The following HS3ST4 variants were observed in gnomAD, a reference collection of about 807,000 sequenced individuals.
HS3ST4 encodes the protein heparan sulfate-glucosamine 3-sulfotransferase 4.
HS3ST4 carries 17 observed loss-of-function variants against 29.2 expected under a neutral mutation model. The ratio of observed to expected loss-of-function variants is 0.58; its 90% confidence interval spans 0.40 to 0.87. The LOEUF is 0.87. Ranked by LOEUF, HS3ST4 falls within the 40% of genes least tolerant of loss-of-function variation. HS3ST4 has a pLI of 0.00. For synonymous variants in HS3ST4, 314 were observed against 285.7 expected (o/e 1.10, Z -1.00); for missense variants, 627 against 634.5 (o/e 0.99, Z 0.13).
At chr16:25,931,533 C>T (rs990919725) in intron 1 of HS3ST4, among the ~76,000 whole-genome samples, 4 of 152,190 alleles carry the variant, frequency 2.6e-5, no homozygotes, top group Non-Finnish European at 5.9e-5. Context: ...TCTTTATTCC[C>T]GAAAGCAAAA....
rs1302074836 is a variant in HS3ST4, at chr16:25,855,245, A to T, written c.734+162094A>T. ...GTTCAGAAAAGGGGGATGGGTGTGG[A>T]AGTCAAAGTTCTTGTTATGTAGATG... is the stretch of plus-strand genomic sequence containing the variant. On this transcript the variant is annotated intron_variant, in intron 1 of 1. Transcript: ENST00000331351. Among the ~76,000 whole-genome samples the T allele has an allele frequency of 2.6e-5, 4 of 152,128 alleles. No individual in the cohort carries two copies. The East Asian group carries it at 7.7e-4, about 29-fold the overall frequency.
chr16:25,923,980 T>C (rs960866364), intron 1 of HS3ST4, among the ~76,000 whole-genome samples: 2 of 152,166 alleles, frequency 1.3e-5, no homozygotes, highest in African/African-American at 4.8e-5. Context: ...AGGTTTCATT[T>C]TTAGGTTTCT....
chr16:25,856,818 C>T lies in HS3ST4; in HGVS notation c.734+163667C>T, dbSNP rs1049361297. Among the ~76,000 whole-genome samples the T allele has an allele frequency of 5.3e-5, 8 of 152,112 alleles. No individual in the cohort carries two copies. The East Asian group carries it at 5.8e-4, about 11-fold the overall frequency. ...CTCTTCCATTTGGCTATTCCTGAGTCGTATTCTTTAAAATAAACTAGTAAT... is the reference window on the plus strand; with the variant it reads ...CTCTTCCATTTGGCTATTCCTGAGTTGTATTCTTTAAAATAAACTAGTAAT... On this transcript the variant is annotated intron_variant, in intron 1 of 1. Coordinates refer to ENST00000331351, the MANE Select transcript of HS3ST4 (RefSeq NM_006040.3).
At chr16:25,848,666 C>G (rs1967489666) in intron 1 of HS3ST4, among the ~76,000 whole-genome samples, 1 of 151,996 alleles carries the variant, frequency 6.6e-6, no homozygotes, top group Non-Finnish European at 1.5e-5. Context: ...CCAGGTCTTA[C>G]AGAAGTTTGT....
intron 1 of HS3ST4, among the ~76,000 whole-genome samples, chr16:26,003,674 T>C (rs778123595): frequency 5.3e-5 from 8 of 152,164 alleles, no homozygotes; most frequent in Non-Finnish European, 1.2e-4. Flanking sequence ...AACTGGCCAC[T>C]ATGGTCAGTG....
intron 1 of HS3ST4, among the ~76,000 whole-genome samples, chr16:25,697,820 G>A (rs1310954579): frequency 4.6e-5 from 7 of 152,016 alleles, no homozygotes; most frequent in Non-Finnish European, 7.4e-5. Context: ...CTACAGGTGC[G>A]CACCACCACG....
intron 1 of HS3ST4, among the ~76,000 whole-genome samples, chr16:25,828,832 C>T (rs555626070): frequency 4.6e-5 from 7 of 152,270 alleles, no homozygotes; most frequent in Admixed American, 3.9e-4. Context: ...TTTTACTAGT[C>T]AGTTTTGTGA....
intron 1 of HS3ST4, among the ~76,000 whole-genome samples, chr16:25,943,481 T>C (rs1336854704): frequency 6.6e-6 from 1 of 152,212 alleles, no homozygotes; most frequent in Admixed American, 6.5e-5. Flanking sequence ...GGATGACATT[T>C]TGGGGCTATT....
chr16:25,748,305 T>C (rs1020576308), intron 1 of HS3ST4, among the ~76,000 whole-genome samples: 1 of 152,142 alleles, frequency 6.6e-6, no homozygotes, highest in African/African-American at 2.4e-5. Flanking sequence ...ATTGACATGA[T>C]GCTTATTTTC....
intron 1 of HS3ST4, among the ~76,000 whole-genome samples, chr16:25,920,900 G>A (rs1968344963): frequency 6.6e-6 from 1 of 152,040 alleles, no homozygotes; most frequent in South Asian, 2.1e-4. Flanking sequence ...TTACAGGTGT[G>A]AGCCACCACG....
chr16:26,132,473 G>A (rs576537223), intron 1 of HS3ST4, among the ~76,000 whole-genome samples: 29 of 148,652 alleles, frequency 2.0e-4, no homozygotes, highest in Non-Finnish European at 3.5e-4. Context: ...TGTCTCCAAA[G>A]CCTTCTGCAA....
intron 1 of HS3ST4, among the ~76,000 whole-genome samples, chr16:26,030,130 A>G (rs1969518730): frequency 6.6e-6 from 1 of 152,176 alleles, no homozygotes; most frequent in South Asian, 2.1e-4. Flanking sequence ...TCATGTGATC[A>G]CTGGGTATGG....
At chr16:25,864,989 C>T (rs1292342513) in intron 1 of HS3ST4, among the ~76,000 whole-genome samples, 2 of 135,476 alleles carry the variant, frequency 1.5e-5, no homozygotes, top group African/African-American at 5.1e-5. Flanking sequence ...CACACATACA[C>T]ACTCACACAC....
At chr16:26,124,460 T>C (rs1388630660) in intron 1 of HS3ST4, among the ~76,000 whole-genome samples, 4 of 152,178 alleles carry the variant, frequency 2.6e-5, no homozygotes, top group African/African-American at 9.7e-5. Context: ...AATTTTTAAA[T>C]TGTAATTACT....
At position 26,086,765 on chromosome 16, in the gene HS3ST4, A is replaced by G. The variant is rs538646455; in HGVS notation, c.735-48847A>G. Among the ~76,000 whole-genome samples the G allele has an allele frequency of 3.3e-5, 5 of 152,302 alleles. No homozygotes were observed. The East Asian group carries it at 9.6e-4, about 29-fold the overall frequency. On this transcript the variant is annotated intron_variant, in intron 1 of 1. Transcript: ENST00000331351. ...GCCTTTTGACCCTTAATAAATATCA[A>G]TCTCTTCCTTCATTCACTTCTGTCC...
chr16:26,019,392 T>C (rs1054486327), intron 1 of HS3ST4, among the ~76,000 whole-genome samples: 1 of 152,240 alleles, frequency 6.6e-6, no homozygotes, highest in Non-Finnish European at 1.5e-5. Flanking sequence ...AATATTCTTA[T>C]TAATCCAAGT....
At chr16:25,903,367 A>ATATACATATGTATATGTATATCT (rs1567268746) in intron 1 of HS3ST4, among the ~76,000 whole-genome samples, 5 of 59,318 alleles carry the variant, frequency 8.4e-5, no homozygotes, top group South Asian at 1.6e-3. Context: ...TGTATATCTT[A>ATATACATATGTATATGTATATCT]TATATATATA....
At chr16:26,025,998 T>C (rs1969467826) in intron 1 of HS3ST4, among the ~76,000 whole-genome samples, 2 of 152,070 alleles carry the variant, frequency 1.3e-5, no homozygotes, top group African/African-American at 4.8e-5. Context: ...CTGGTCTCGA[T>C]CTCTTGATCT....
intron 1 of HS3ST4, among the ~76,000 whole-genome samples, chr16:25,918,801 G>T (rs539913898): frequency 1.3e-5 from 2 of 152,056 alleles, no homozygotes; most frequent in Non-Finnish European, 2.9e-5. Context: ...CCAAGACTCC[G>T]TCTCAAAAAA....
Sources: allele counts gnomAD v4.1 joint callset (sites outside exome capture counted in the v4.1 genomes callset), GRCh38; gene constraint gnomAD v4.1.1; transcripts MANE v1.5; gene names NCBI Gene and HGNC (gene_info 2026-07-23, HGNC 2026-07-21).